The following ABI2 variants were observed in gnomAD, a reference collection of about 807,000 sequenced individuals.
ABI2 encodes abl interactor 2.
In ABI2, 25 loss-of-function variants were observed where a neutral mutation model predicts 59.2. The observed-to-expected ratio is 0.42, with a 90% CI of 0.31 to 0.59. The LOEUF is 0.59. ABI2 is among the 20% of genes least tolerant of loss of function. The probability of loss-of-function intolerance (pLI) is 0.14; values close to 1 mark genes in which losing one functional copy is unlikely to be tolerated. For missense variants in ABI2, 545 were observed against 681.8 expected, an observed-to-expected ratio of 0.80 and a Z score of 2.23; for synonymous variants, 213 against 235.5, an observed-to-expected ratio of 0.90 and a Z score of 0.87.
In ABI2 at chr2:203,410,503, C is replaced by G. The variant is rs184655819; in HGVS notation, c.1193-782C>G. 4.3e-4 allele frequency among the ~76,000 whole-genome samples: 65 copies of G among 152,120 alleles called. 1 individual carries two copies. Among genetic ancestry groups the G allele is most frequent in the Non-Finnish European group, 6.8e-4 (46 of 67,992 alleles). ...AACATCTGTTGACAGTTTATTAGTT[C>G]TAGGCACTGTGCCAGGTGATTGAGG... On this transcript the variant is annotated intron_variant, in intron 9 of 11. Coordinates refer to ENST00000261018, the MANE Select transcript of ABI2 (RefSeq NM_001375670.1).
intron 10 of ABI2, among the ~76,000 whole-genome samples, chr2:203,414,521 A>G (rs2097812110): frequency 6.6e-6 from 1 of 152,184 alleles, no homozygotes; most frequent in Admixed American, 6.5e-5. Context: ...CCTGACCCAC[A>G]TAACAAGTGT....
At chr2:203,345,130 T>A (rs1391492403) in intron 1 of ABI2, among the ~76,000 whole-genome samples, 1 of 152,192 alleles carries the variant, frequency 6.6e-6, no homozygotes, top group East Asian at 1.9e-4. Flanking sequence ...GCTCACTCTT[T>A]GGGTCCGCAC....
chr2:203,410,978 T>C (rs1296732880), intron 9 of ABI2, among the ~76,000 whole-genome samples: 1 of 149,892 alleles, frequency 6.7e-6, no homozygotes, highest in Non-Finnish European at 1.5e-5. Context: ...TAAAACATGA[T>C]TGTTATATAT....
intron 8 of ABI2, among the ~76,000 whole-genome samples, chr2:203,401,929 T>C (rs941856322): frequency 6.6e-6 from 1 of 152,218 alleles, no homozygotes; most frequent in African/African-American, 2.4e-5. Flanking sequence ...GTTTTCAGTG[T>C]TCAGTGGCTG....
Position 203,427,388 on chromosome 2 carries a change from T to C in ABI2, c.*36T>C, listed in dbSNP as rs977068086. ...GGCTGTGCTTGCCTCACAGGAATAG[T>C]CAGGTCTTCCCAGATTATCTGAAGG... On this transcript the variant is annotated 3_prime_UTR_variant, in exon 12 of 12. Coordinates refer to ENST00000261018, the MANE Select transcript of ABI2 (RefSeq NM_001375670.1). 1.3e-5 allele frequency: 20 copies of C among 1,578,246 alleles called. No homozygotes were observed. Among genetic ancestry groups the C allele is most frequent in the Non-Finnish European group, 1.6e-5 (19 of 1,155,364 alleles).
At chr2:203,367,066 A>G (rs780156520) in intron 2 of ABI2, 22 bp downstream of exon 2, 6 of 1,599,828 alleles carry the variant, frequency 3.8e-6, no homozygotes, top group African/African-American at 2.7e-5. Context: ...ATATTTTCCT[A>G]TTTGCCTATG....
In ABI2 at chr2:203,402,739, G is replaced by GT. The variant is rs757811635; in HGVS notation, c.1192+12dup. On this transcript the variant is annotated splice_donor_region_variant and intron_variant, in intron 9 of 11. Coordinates refer to ENST00000261018, the MANE Select transcript of ABI2 (RefSeq NM_001375670.1). Reference sequence around the variant, plus strand: ...CTTTTTATAGCCAGAATCCAGGTTAGTTTTTTTGTTTTTTTGCATTCTATA... The same window carrying GT: ...CTTTTTATAGCCAGAATCCAGGTTAGTTTTTTTTGTTTTTTTGCATTCTATA... The GT allele has an allele frequency of 1.2e-5, 18 of 1,550,158 alleles. No individual in the cohort carries two copies. The East Asian group carries it at 1.2e-4, about 10-fold the overall frequency.
intron 8 of ABI2, among the ~76,000 whole-genome samples, chr2:203,401,061 T>G (rs1381490904): frequency 6.6e-6 from 1 of 152,220 alleles, no homozygotes; most frequent in East Asian, 1.9e-4. Flanking sequence ...AATGGATAGA[T>G]GAGTGTGCCA....
At chr2:203,376,108 C>A (rs2095660503) in intron 2 of ABI2, 3 of 1,533,844 alleles carry the variant, frequency 2.0e-6, no homozygotes, top group Non-Finnish European at 2.6e-6. Context: ...AATTTGGAAA[C>A]AATTGCAGTT....
At chr2:203,373,853 A>G (rs1290219613) in intron 2 of ABI2, among the ~76,000 whole-genome samples, 1 of 152,198 alleles carries the variant, frequency 6.6e-6, no homozygotes, top group Non-Finnish European at 1.5e-5. Flanking sequence ...CAAGTAGGGT[A>G]GCTTTTACTG....
Position 203,432,047 on chromosome 2 carries a change from C to T in ABI2, c.*4695C>T, listed in dbSNP as rs748844880. 1.2e-4 allele frequency: 18 copies of T among 152,260 alleles called. No individual in the cohort carries two copies. Among genetic ancestry groups the T allele is most frequent in the Non-Finnish European group, 2.5e-4 (17 of 68,028 alleles). 9.4% of individuals were successfully genotyped at this position (152,260 alleles called of 1,614,324 possible). A position where few individuals can be genotyped will look rare whatever the true frequency, so the allele number is the denominator to read the frequency against. ...GGAGCAGTCTGTTGCCAGTAATGTTCCTTGTGTGCCATTAAACCACCTCCA... is the reference window on the plus strand; with the variant it reads ...GGAGCAGTCTGTTGCCAGTAATGTTTCTTGTGTGCCATTAAACCACCTCCA... On this transcript the variant is annotated 3_prime_UTR_variant, in exon 12 of 12. Transcript: ENST00000261018.
intron 1 of ABI2, among the ~76,000 whole-genome samples, chr2:203,354,470 G>A (rs2090807133): frequency 6.6e-6 from 1 of 152,010 alleles, no homozygotes; most frequent in African/African-American, 2.4e-5. Context: ...AATCTTATAT[G>A]AACATACTGA....
chr2:203,335,090 T>A (rs946456565), intron 1 of ABI2, among the ~76,000 whole-genome samples: 3 of 152,176 alleles, frequency 2.0e-5, no homozygotes, highest in African/African-American at 7.2e-5. Flanking sequence ...TCCTTCCAGA[T>A]ACGAAGCTCC....
At chr2:203,360,647 C>T (rs887722676) in intron 1 of ABI2, among the ~76,000 whole-genome samples, 4 of 152,168 alleles carry the variant, frequency 2.6e-5, no homozygotes, top group South Asian at 2.1e-4. Context: ...TAGTAAGTGA[C>T]GTTTGCCTAG....
intron 5 of ABI2, chr2:203,394,493 G>A (rs926796085): frequency 3.6e-6 from 2 of 548,092 alleles, no homozygotes; most frequent in Admixed American, 6.7e-5. Context: ...GGGAAATGAG[G>A]TTGGAGACTG....
intron 1 of ABI2, among the ~76,000 whole-genome samples, chr2:203,365,875 C>T (rs997083764): frequency 3.9e-5 from 6 of 151,960 alleles, no homozygotes; most frequent in Admixed American, 1.3e-4. Flanking sequence ...ATGATCTGCC[C>T]GCCTCAGCCT....
chr2:203,329,510 C>G lies in ABI2; in HGVS notation c.117+879C>G, dbSNP rs2071405918. Among the ~76,000 whole-genome samples, 2 of 151,610 alleles carry G rather than the reference C, an allele frequency of 1.3e-5. 1 individual carries two copies. The highest frequency in any genetic ancestry group is 4.2e-4 in the South Asian group (2 of 4,804). On this transcript the variant is annotated intron_variant, in intron 1 of 11. Coordinates refer to ENST00000261018, the MANE Select transcript of ABI2 (RefSeq NM_001375670.1). ...TAAAAAAATCCTTCTTTAAAAATTA[C>G]TTGAAAGGATAGCAGGTTAAAAGGC...
At chr2:203,332,470 C>G (rs1298116774) in intron 1 of ABI2, among the ~76,000 whole-genome samples, 1 of 152,000 alleles carries the variant, frequency 6.6e-6, no homozygotes, top group Non-Finnish European at 1.5e-5. Context: ...ACTAAAAATA[C>G]AAAAATTAGC....
At chr2:203,375,206 T>A (rs1269771854) in intron 2 of ABI2, among the ~76,000 whole-genome samples, 1 of 152,234 alleles carries the variant, frequency 6.6e-6, no homozygotes, top group Non-Finnish European at 1.5e-5. Flanking sequence ...AATAGTTGTT[T>A]ATTAAGTCCT....
Sources: allele counts gnomAD v4.1 joint callset (sites outside exome capture counted in the v4.1 genomes callset), GRCh38; gene constraint gnomAD v4.1.1; transcripts MANE v1.5; gene names NCBI Gene and HGNC (gene_info 2026-07-23, HGNC 2026-07-21).